The following TDRD12 variants were observed in gnomAD, a reference collection of about 807,000 sequenced individuals.
TDRD12 encodes tudor domain containing 12.
In TDRD12, 158 loss-of-function variants were observed where a neutral mutation model predicts 133.5. The observed-to-expected ratio is 1.18, with a 90% confidence interval of 1.04 to 1.35. TDRD12 has a LOEUF of 1.35. Ranked by LOEUF, TDRD12 falls within the 40% of genes most tolerant of loss-of-function variation. The pLI is 0.00. For synonymous variants in TDRD12, 460 were observed against 477.9 expected, an observed-to-expected ratio of 0.96 and a Z score of 0.49; for missense variants, 1,443 against 1,321.3, an observed-to-expected ratio of 1.09 and a Z score of -1.43.
rs765344559 is a variant in TDRD12, at chr19:32,803,800, C to T, written c.2552+658C>T. ...CCATTGTGATGTTAATATGCATTTCCCTAATGATTAATGATGTTGAATATC... is the reference window on the plus strand; with the variant it reads ...CCATTGTGATGTTAATATGCATTTCTCTAATGATTAATGATGTTGAATATC... On this transcript the variant is annotated intron_variant, in intron 21 of 27. Coordinates refer to ENST00000444215, the Ensembl canonical transcript of TDRD12. Among the ~76,000 whole-genome samples, 64 of 152,074 alleles carry T rather than the reference C, an allele frequency of 4.2e-4. 2 individuals are homozygous for T. Among genetic ancestry groups the T allele is most frequent in the Non-Finnish European group, 2.1e-4 (14 of 68,022 alleles).
chr19:32,776,019 G>A (rs750491148), intron 10 of TDRD12, among the ~76,000 whole-genome samples: 3 of 152,188 alleles, frequency 2.0e-5, no homozygotes, highest in Admixed American at 6.5e-5. Context: ...GGCGGTGGCC[G>A]TGTGAGCTCA....
At chr19:32,798,129 T>C (rs909864197) in intron 15 of TDRD12, among the ~76,000 whole-genome samples, 179 bp from the exon 16 acceptor site, 1 of 152,232 alleles carries the variant, frequency 6.6e-6, no homozygotes, top group Admixed American at 6.5e-5. Flanking sequence ...TCATTTATCA[T>C]CTATTTACTG....
At chr19:32,804,094 A>C (rs1971474818) in intron 21 of TDRD12, among the ~76,000 whole-genome samples, 1 of 151,522 alleles carries the variant, frequency 6.6e-6, no homozygotes, top group South Asian at 2.1e-4. Context: ...GTTTTTTGAG[A>C]TGGAGTTTCA....
At chr19:32,739,039 T>G (rs754836261) in intron 3 of TDRD12, 47 bp downstream of exon 3, 1 of 1,545,816 alleles carries the variant, frequency 6.5e-7, no homozygotes. Flanking sequence ...GAGACAAATG[T>G]CAGTTTCAAA....
At chr19:32,723,606 A>T (rs1398714166) in intron 1 of TDRD12, among the ~76,000 whole-genome samples, 1 of 150,986 alleles carries the variant, frequency 6.6e-6, no homozygotes. Flanking sequence ...ATTCTTTTTC[A>T]GAATTGTTCT....
intron 8 of TDRD12, among the ~76,000 whole-genome samples, chr19:32,763,775 T>A (rs1970216684): frequency 6.6e-6 from 1 of 152,204 alleles, no homozygotes; most frequent in South Asian, 2.1e-4. Context: ...ATTGTCAGTT[T>A]ACAGTTCAGG....
At position 32,815,188 on chromosome 19, in the gene TDRD12, A is replaced by G. The variant is rs1198623377; in HGVS notation, c.3142-260A>G. 4.3e-5 allele frequency among the ~76,000 whole-genome samples: 6 copies of G among 138,780 alleles called. No individual in the cohort carries two copies. The East Asian group carries it at 7.0e-4, about 16-fold the overall frequency. 91.0% of individuals were successfully genotyped at this position (138,780 alleles called of 152,430 possible). A position where few individuals can be genotyped will look rare whatever the true frequency, so the allele number is the denominator to read the frequency against. On this transcript the variant is annotated intron_variant, in intron 25 of 27. Coordinates refer to ENST00000444215, the Ensembl canonical transcript of TDRD12. ...GCAATTTGGTCTTGACTAGGGGTTTATCCCAGATTTGCTCTTGCCACCCCC... is the reference window on the plus strand; with the variant it reads ...GCAATTTGGTCTTGACTAGGGGTTTGTCCCAGATTTGCTCTTGCCACCCCC...
chr19:32,808,038 A>G (rs1292790492), intron 22 of TDRD12, among the ~76,000 whole-genome samples: 4 of 152,210 alleles, frequency 2.6e-5, no homozygotes, highest in Admixed American at 2.0e-4. Flanking sequence ...AGCCTGGGCA[A>G]CATAGTGAGA....
intron 6 of TDRD12, among the ~76,000 whole-genome samples, chr19:32,754,167 A>G (rs1969921301): frequency 6.6e-6 from 1 of 152,176 alleles, no homozygotes; most frequent in Admixed American, 6.5e-5. Flanking sequence ...TTTATAACTT[A>G]GTAAAAATAC....
intron 6 of TDRD12, among the ~76,000 whole-genome samples, chr19:32,753,472 G>A (rs1056782038): frequency 2.6e-5 from 4 of 151,638 alleles, no homozygotes; most frequent in African/African-American, 9.7e-5. Flanking sequence ...CAAGTAGTTG[G>A]GACTATAAGC....
intron 3 of TDRD12, among the ~76,000 whole-genome samples, chr19:32,739,772 G>C (rs1189807616): frequency 7.3e-6 from 1 of 136,790 alleles, no homozygotes. Context: ...GCATCTCCTG[G>C]TGCTCTCTCT....
chr19:32,739,305 A>C (rs1969321160), intron 3 of TDRD12, among the ~76,000 whole-genome samples: 1 of 146,722 alleles, frequency 6.8e-6, no homozygotes, highest in African/African-American at 2.6e-5. Context: ...TACTCTCTGC[A>C]TCTCATGGCT....
At chr19:32,790,470 A>G in intron 11 of TDRD12, 61 bp from the exon 12 acceptor site, 1 of 1,482,304 alleles carries the variant, frequency 6.7e-7, no homozygotes, top group Non-Finnish European at 9.2e-7. Flanking sequence ...AACTAAAAGA[A>G]TAGCTCAACT....
intron 8 of TDRD12, among the ~76,000 whole-genome samples, chr19:32,768,453 G>C (rs1970359184): frequency 6.7e-6 from 1 of 149,990 alleles, no homozygotes; most frequent in South Asian, 2.1e-4. Flanking sequence ...GCAGTGGTGT[G>C]ATCATGACTC....
At position 32,783,528 on chromosome 19, in the gene TDRD12, G is replaced by C. The variant is rs565320845; in HGVS notation, c.1121+6299G>C. Among the ~76,000 whole-genome samples, 15 of 152,248 alleles carry C rather than the reference G, an allele frequency of 9.9e-5. No individual in the cohort carries two copies. The South Asian group carries it at 2.7e-3, about 27-fold the overall frequency. On this transcript the variant is annotated intron_variant, in intron 11 of 27. Coordinates refer to ENST00000444215, the Ensembl canonical transcript of TDRD12. Reference sequence around the variant, plus strand: ...AGTCAGTGGTAGCTTGATGGGGATAGGTTTGACTCTATAAATTACTTTGGG... The same window carrying C: ...AGTCAGTGGTAGCTTGATGGGGATACGTTTGACTCTATAAATTACTTTGGG...
chr19:32,811,107 C>G, intron 23 of TDRD12, 103 bp from the exon 24 acceptor site: 1 of 879,712 alleles, frequency 1.1e-6, no homozygotes, highest in Non-Finnish European at 1.7e-6. Context: ...AAAATCATGG[C>G]GTTTTGGAGT....
chr19:32,757,183 T>G, intron 8 of TDRD12, 53 bp downstream of exon 8: 1 of 1,400,338 alleles, frequency 7.1e-7, no homozygotes, highest in Non-Finnish European at 9.9e-7. Context: ...AAAATATTCT[T>G]AGCTTTTTAA....
intron 3 of TDRD12, 120 bp from the exon 4 acceptor site, chr19:32,742,661 A>G (rs1599845229): frequency 9.0e-7 from 1 of 1,113,638 alleles, no homozygotes; most frequent in East Asian, 2.6e-5. Flanking sequence ...AGAAACAGAA[A>G]GAATTGTTTT....
At chr19:32,728,397 G>A (rs951631254) in intron 1 of TDRD12, among the ~76,000 whole-genome samples, 2 of 152,062 alleles carry the variant, frequency 1.3e-5, no homozygotes, top group African/African-American at 4.8e-5. Flanking sequence ...ATGAATGTGG[G>A]ATGTCTTTCC....
Sources: allele counts gnomAD v4.1 joint callset (sites outside exome capture counted in the v4.1 genomes callset), GRCh38; gene constraint gnomAD v4.1.1; transcripts MANE v1.5; gene names NCBI Gene and HGNC (gene_info 2026-07-23, HGNC 2026-07-21).